FKBP15: variants seen among roughly 807,000 people sequenced by gnomAD.
FKBP15 encodes FKBP prolyl isomerase family member 15.
A neutral mutation model predicts 158.1 loss-of-function variants in FKBP15; 106 were observed. That is an observed-to-expected ratio of 0.67 (90% confidence interval 0.57 to 0.79). FKBP15 has a LOEUF of 0.79. Among genes scored for constraint, FKBP15 ranks in the 30% least tolerant of loss-of-function variants. The pLI, the probability that FKBP15 is intolerant of heterozygous loss-of-function variation, is 0.00. For synonymous variants in FKBP15, 547 were observed against 548.6 expected (o/e 1.00, Z 0.04); for missense variants, 1,287 against 1,479.1 (o/e 0.87, Z 2.13).
chr9:113,171,678 G>A lies in FKBP15; in HGVS notation c.2561C>T (p.Ala854Val). The change falls in exon 24 of 28, where the codon GCT (alanine) becomes GTT (valine). Residue 854 changes from alanine (A) to valine (V), a missense_variant. Transcript: ENST00000238256. ...KCLALQAQIT[A>V]LTKQNEQHIK... Reference sequence around the variant, plus strand: ...GTGCTGTTCATTTTGCTTGGTGAGAGCTGTGATTTGGGCCTGGAGGGCTAA... The same window carrying A: ...GTGCTGTTCATTTTGCTTGGTGAGAACTGTGATTTGGGCCTGGAGGGCTAA... The A allele has an allele frequency of 1.2e-6, 2 of 1,600,338 alleles. No individual in the cohort carries two copies. The highest frequency in any genetic ancestry group is 1.7e-6 in the Non-Finnish European group (2 of 1,173,142).
chr9:113,168,851 TTC>T lies in FKBP15; in HGVS notation c.3486-297_3486-296del, dbSNP rs141003382. Among the ~76,000 whole-genome samples, 619 of 152,334 alleles carry T rather than the reference TTC, an allele frequency of 4.1e-3. 2 individuals are homozygous for T. The highest frequency in any genetic ancestry group is 8.4e-3 in the African/African-American group (349 of 41,560). On this transcript the variant is annotated intron_variant, in intron 26 of 27. Transcript: ENST00000238256. ...CAACTCCTTTAGAATAGCACCCTGT[TTC>T]TTTTTTAAAAGGACTTATCATACTT...
intron 8 of FKBP15, among the ~76,000 whole-genome samples, 160 bp from the exon 9 acceptor site, chr9:113,197,238 T>C (rs1830704595): frequency 6.6e-6 from 1 of 152,152 alleles, no homozygotes; most frequent in South Asian, 2.1e-4. Flanking sequence ...TAAGAATATC[T>C]AGAATACACC....
intron 27 of FKBP15, among the ~76,000 whole-genome samples, chr9:113,167,966 C>T (rs1257244255): frequency 6.6e-6 from 1 of 152,154 alleles, no homozygotes; most frequent in African/African-American, 2.4e-5. Flanking sequence ...GGAAAATGCT[C>T]AGGAACAGGA....
intron 20 of FKBP15, 22 bp downstream of exon 20, chr9:113,178,608 G>A (rs374047968): frequency 6.4e-6 from 10 of 1,569,534 alleles, no homozygotes; most frequent in Middle Eastern, 2.1e-4. Context: ...AACAATCCCA[G>A]CATCCCCCAC....
intron 8 of FKBP15, 27 bp from the exon 9 acceptor site, chr9:113,197,105 A>T (rs1830702185): frequency 6.2e-7 from 1 of 1,605,516 alleles, no homozygotes. Flanking sequence ...GGAAAAGCTC[A>T]TCAAACAAGA....
At chr9:113,168,663 G>A in intron 26 of FKBP15, 107 bp from the exon 27 acceptor site, 1 of 912,610 alleles carries the variant, frequency 1.1e-6, no homozygotes, top group East Asian at 2.6e-5. Flanking sequence ...AACAGCGTTG[G>A]TGACTGCTCA....
chr9:113,175,678 C>T (rs954440793), intron 21 of FKBP15, among the ~76,000 whole-genome samples: 1 of 151,906 alleles, frequency 6.6e-6, no homozygotes, highest in African/African-American at 2.4e-5. Flanking sequence ...GGATTGATAC[C>T]CTTAAAAGGG....
chr9:113,167,611 C>T (rs1564145483), intron 27 of FKBP15, among the ~76,000 whole-genome samples: 1 of 152,158 alleles, frequency 6.6e-6, no homozygotes, highest in Non-Finnish European at 1.5e-5. Context: ...AAGGTTTTGG[C>T]AAAAGGCAAA....
intron 15 of FKBP15, among the ~76,000 whole-genome samples, chr9:113,185,537 A>C (rs535156032): frequency 3.4e-4 from 52 of 152,350 alleles, no homozygotes; most frequent in African/African-American, 1.2e-3. Flanking sequence ...CCACTGTCCT[A>C]ATACCAAAGC....
intron 1 of FKBP15, among the ~76,000 whole-genome samples, chr9:113,214,745 A>T (rs1230453995): frequency 6.6e-6 from 1 of 152,258 alleles, no homozygotes; most frequent in Non-Finnish European, 1.5e-5. Context: ...TTCTTCCAAT[A>T]GAAAGCTGTT....
At chr9:113,173,688 A>G in intron 22 of FKBP15, 83 bp from the exon 23 acceptor site, 1 of 1,434,484 alleles carries the variant, frequency 7.0e-7, no homozygotes, top group Admixed American at 2.0e-5. Flanking sequence ...CCATCTTTCA[A>G]AAAGCAAAAG....
chr9:113,175,744 T>C (rs1830288325), intron 21 of FKBP15, among the ~76,000 whole-genome samples: 1 of 152,188 alleles, frequency 6.6e-6, no homozygotes, highest in African/African-American at 2.4e-5. Context: ...AGAGAGAATG[T>C]ACATAAGAAA....
chr9:113,187,622 T>A (rs1830507103), intron 14 of FKBP15, 171 bp downstream of exon 14: 2 of 610,712 alleles, frequency 3.3e-6, no homozygotes, highest in Admixed American at 5.9e-5. Flanking sequence ...GAACGTAGGT[T>A]ATCCTTTGCC....
Position 113,162,824 on chromosome 9 carries a change from C to A in FKBP15, c.*3254G>T. The A allele has an allele frequency of 1.2e-6, 2 of 1,613,484 alleles. No homozygotes were observed. The highest frequency in any genetic ancestry group is 1.7e-6 in the Non-Finnish European group (2 of 1,179,734). On this transcript the variant is annotated 3_prime_UTR_variant, in exon 28 of 28. Coordinates refer to ENST00000238256, the MANE Select transcript of FKBP15 (RefSeq NM_015258.2). Reference sequence around the variant, plus strand: ...TCATCGGCTACTTCATCATGCTGGCCGTAATGTCCTACAACACCTGGATTT... The same window carrying A: ...TCATCGGCTACTTCATCATGCTGGCAGTAATGTCCTACAACACCTGGATTT...
In FKBP15 at chr9:113,169,495, C is replaced by T. The variant is rs771860786; in HGVS notation, c.3214G>A (p.Asp1072Asn). ...LAASPMAAKPDNPSGKVCVRE... is the reference protein window; with the variant it reads ...LAASPMAAKPNNPSGKVCVRE... ...ACACAGACCTTTCCTGATGGGTTGT[C>T]GGGCTTAGCTGCCATTGGGCTGGCA... Residue 1072 changes from aspartate to asparagine, a missense_variant, in exon 26 of 28, where the codon GAC becomes AAC. Transcript: ENST00000238256. The T allele has an allele frequency of 6.4e-5, 104 of 1,613,866 alleles. 1 individual carries two copies. In the Middle Eastern group the frequency reaches 9.9e-4, roughly 15 times the overall value.
At chr9:113,166,301 A>T in intron 27 of FKBP15, 146 bp from the exon 28 acceptor site, 2 of 630,792 alleles carry the variant, frequency 3.2e-6, no homozygotes, top group Non-Finnish European at 5.5e-6. Context: ...GAGGCCAGCA[A>T]ACCTAGGCTT....
intron 19 of FKBP15, among the ~76,000 whole-genome samples, chr9:113,181,958 T>C (rs1239405082): frequency 1.3e-5 from 2 of 152,074 alleles, no homozygotes; most frequent in Non-Finnish European, 2.9e-5. Flanking sequence ...AGGGTCAGGA[T>C]TGGACAGGGC....
chr9:113,217,524 T>A (rs563381660), intron 1 of FKBP15, among the ~76,000 whole-genome samples: 16 of 152,252 alleles, frequency 1.1e-4, no homozygotes, highest in African/African-American at 4.8e-5. Context: ...TTTCTATTAA[T>A]ATCTTTAATG....
intron 4 of FKBP15, among the ~76,000 whole-genome samples, chr9:113,204,348 G>A (rs576488264): frequency 3.3e-5 from 5 of 152,368 alleles, no homozygotes; most frequent in South Asian, 2.1e-4. Context: ...GATTGCAGGC[G>A]TAAGCCACCG....
Sources: gnomAD v4.1 joint callset for allele counts (sites outside exome capture counted in the v4.1 genomes callset) on GRCh38, gnomAD v4.1.1 for gene constraint, MANE v1.5 for transcripts, NCBI Gene and HGNC (gene_info 2026-07-23, HGNC 2026-07-21) for gene names.